Variants in CSMD3 observed in about 807,000 individuals in gnomAD.
CSMD3 encodes the protein CUB and Sushi multiple domains 3, also known as CUB and sushi domain-containing protein 3.
CSMD3 carries 177 observed loss-of-function variants against 435.2 expected under a neutral mutation model. The observed-to-expected ratio is 0.41, with a 90% CI of 0.36 to 0.46. The LOEUF is 0.46. Among genes scored for constraint, CSMD3 ranks in the 20% least tolerant of loss-of-function variants. The pLI is 0.34. For missense variants in CSMD3, 4,265 were observed against 4,504.6 expected, an observed-to-expected ratio of 0.95 and a Z score of 1.52; for synonymous variants, 1,656 against 1,520.5, an observed-to-expected ratio of 1.09 and a Z score of -2.07.
chr8:113,011,912 T>C (rs1435078902), intron 6 of CSMD3, among the ~76,000 whole-genome samples: 1 of 151,848 alleles, frequency 6.6e-6, no homozygotes, highest in Non-Finnish European at 1.5e-5. Context: ...ATGAGTCTCA[T>C]AGACTGTCAG....
chr8:112,573,886 A>C (rs931117483), intron 23 of CSMD3, among the ~76,000 whole-genome samples: 7 of 151,994 alleles, frequency 4.6e-5, no homozygotes, highest in Non-Finnish European at 8.8e-5. Flanking sequence ...TAATACTTGA[A>C]TCAGGTGATA....
intron 2 of CSMD3, among the ~76,000 whole-genome samples, chr8:113,301,263 T>C (rs1005435557): frequency 6.6e-5 from 10 of 152,110 alleles, no homozygotes; most frequent in African/African-American, 1.2e-4. Flanking sequence ...CACTTCACAA[T>C]GTGTATGTTA....
intron 45 of CSMD3, among the ~76,000 whole-genome samples, chr8:112,323,360 C>T (rs1281235571): frequency 6.6e-6 from 1 of 152,002 alleles, no homozygotes; most frequent in African/African-American, 2.4e-5. Flanking sequence ...GTCTAGATTC[C>T]TGCCATTTAA....
chr8:113,228,519 C>G (rs142281130), intron 3 of CSMD3, among the ~76,000 whole-genome samples: 27 of 151,400 alleles, frequency 1.8e-4, no homozygotes, highest in African/African-American at 6.5e-4. Context: ...ATCATACTCA[C>G]AGAATGCCAT....
intron 5 of CSMD3, among the ~76,000 whole-genome samples, chr8:113,066,601 G>T (rs1310410356): frequency 6.6e-6 from 1 of 151,946 alleles, no homozygotes; most frequent in East Asian, 1.9e-4. Context: ...AAAATATACA[G>T]TATACCTCAT....
intron 58 of CSMD3, among the ~76,000 whole-genome samples, chr8:112,281,739 C>G (rs1818667757): frequency 6.6e-6 from 1 of 152,072 alleles, no homozygotes. Context: ...TGAGATGCAA[C>G]AGAGATTTAT....
intron 3 of CSMD3, among the ~76,000 whole-genome samples, chr8:113,201,904 T>G (rs1293882292): frequency 6.6e-6 from 1 of 152,086 alleles, no homozygotes; most frequent in African/African-American, 2.4e-5. Flanking sequence ...TGCTTTTATT[T>G]TATAAAAGAA....
At chr8:112,927,154 G>T (rs549329469) in intron 9 of CSMD3, among the ~76,000 whole-genome samples, 1 of 151,978 alleles carries the variant, frequency 6.6e-6, no homozygotes, top group Non-Finnish European at 1.5e-5. Flanking sequence ...TTTCAAAAAT[G>T]AGTAATTGCA....
intron 3 of CSMD3, among the ~76,000 whole-genome samples, chr8:113,198,083 G>C (rs962402029): frequency 2.0e-5 from 3 of 151,266 alleles, no homozygotes; most frequent in Non-Finnish European, 4.4e-5. Flanking sequence ...CATCTAAAAA[G>C]ATTAATGCAA....
chr8:112,666,254 A>G, intron 17 of CSMD3, 23 bp downstream of exon 17: 2 of 1,574,934 alleles, frequency 1.3e-6, no homozygotes, highest in Non-Finnish European at 1.7e-6. Context: ...TTTCTTTAAA[A>G]GTAGGAAAAA....
chr8:112,311,197 A>G lies in CSMD3; in HGVS notation c.7697-31T>C, dbSNP rs1349533386. ...CAAAAGAAAAAAAAAATGCTGTTTAATTAATGAATCAGAAGTTATTACCCA... is the reference window on the plus strand; with the variant it reads ...CAAAAGAAAAAAAAAATGCTGTTTAGTTAATGAATCAGAAGTTATTACCCA... On this transcript the variant is annotated intron_variant, in intron 49 of 70. Transcript: ENST00000297405. The G allele has an allele frequency of 1.9e-6, 3 of 1,572,034 alleles. No homozygotes were observed. In the South Asian group the frequency reaches 3.3e-5, roughly 17 times the overall value.
chr8:112,860,996 C>T (rs933864232), intron 10 of CSMD3, among the ~76,000 whole-genome samples: 3 of 151,950 alleles, frequency 2.0e-5, no homozygotes, highest in African/African-American at 4.8e-5. Context: ...ATTTTCTGTC[C>T]GCTGGACATT....
chr8:113,215,978 G>A (rs2092900561), intron 3 of CSMD3, among the ~76,000 whole-genome samples: 1 of 151,710 alleles, frequency 6.6e-6, no homozygotes, highest in African/African-American at 2.4e-5. Flanking sequence ...AAAAGGCAGG[G>A]AGAACAGCAT....
intron 13 of CSMD3, among the ~76,000 whole-genome samples, chr8:112,743,490 AG>A (rs2077360352): frequency 6.6e-6 from 1 of 151,932 alleles, no homozygotes; most frequent in Non-Finnish European, 1.5e-5. Context: ...CAAGGAAAAA[AG>A]CCTAATAACA....
At chr8:112,868,541 C>G (rs1006806483) in intron 10 of CSMD3, among the ~76,000 whole-genome samples, 1 of 152,030 alleles carries the variant, frequency 6.6e-6, no homozygotes, top group African/African-American at 2.4e-5. Context: ...TACAATGTCA[C>G]TAGGTGATAT....
intron 24 of CSMD3, among the ~76,000 whole-genome samples, chr8:112,567,221 C>T (rs1194016617): frequency 6.6e-6 from 1 of 152,146 alleles, no homozygotes; most frequent in Non-Finnish European, 1.5e-5. Context: ...TGCCTAGAAC[C>T]CTTTGCCTGT....
chr8:113,404,850 A>G (rs2094525611), intron 1 of CSMD3, among the ~76,000 whole-genome samples: 2 of 151,526 alleles, frequency 1.3e-5, no homozygotes, highest in Admixed American at 6.6e-5. Context: ...CCTACTGCAG[A>G]TTAAAAACCA....
At chr8:113,356,416 T>C (rs1311871382) in intron 1 of CSMD3, among the ~76,000 whole-genome samples, 1 of 152,128 alleles carries the variant, frequency 6.6e-6, no homozygotes, top group Non-Finnish European at 1.5e-5. Context: ...ATTGGTCAGC[T>C]TTTTTTGTGG....
chr8:112,503,386 A>C (rs1185521222), intron 30 of CSMD3, among the ~76,000 whole-genome samples: 1 of 152,250 alleles, frequency 6.6e-6, no homozygotes, highest in African/African-American at 2.4e-5. Flanking sequence ...CCCAGCTTAC[A>C]TATTTTCTGA....
Sources: gnomAD v4.1 joint callset for allele counts (sites outside exome capture counted in the v4.1 genomes callset) on GRCh38, gnomAD v4.1.1 for gene constraint, MANE v1.5 for transcripts, NCBI Gene and HGNC (gene_info 2026-07-23, HGNC 2026-07-21) for gene names.